Variants in FAF1 observed in about 807,000 individuals in gnomAD.
The protein encoded by FAF1 is Fas associated factor 1.
FAF1 carries 25 observed loss-of-function variants against 92.5 expected under a neutral mutation model. The ratio of observed to expected loss-of-function variants is 0.27; its 90% confidence interval spans 0.20 to 0.38. The LOEUF (loss-of-function observed/expected upper bound fraction) is 0.38. Ranked by LOEUF, FAF1 falls within the 10% of genes least tolerant of loss-of-function variation. The probability of loss-of-function intolerance (pLI) is 1.00; values close to 1 mark genes in which losing one functional copy is unlikely to be tolerated. For synonymous variants in FAF1, 234 were observed against 273.2 expected, an observed-to-expected ratio of 0.86 and a Z score of 1.42; for missense variants, 636 against 793.3, an observed-to-expected ratio of 0.80 and a Z score of 2.38.
At chr1:50,815,673 T>C (rs1488320035) in intron 2 of FAF1, among the ~76,000 whole-genome samples, 2 of 152,254 alleles carry the variant, frequency 1.3e-5, no homozygotes, top group African/African-American at 4.8e-5. Flanking sequence ...CAACAGGGTA[T>C]AAGTGTTTCC....
At chr1:50,693,648 A>C (rs1449864011) in intron 7 of FAF1, among the ~76,000 whole-genome samples, 2 of 152,294 alleles carry the variant, frequency 1.3e-5, no homozygotes, top group East Asian at 3.9e-4. Flanking sequence ...TCATTAAAAA[A>C]ATTGATTTAT....
At chr1:50,922,035 G>A (rs768177045) in intron 1 of FAF1, among the ~76,000 whole-genome samples, 62 of 151,728 alleles carry the variant, frequency 4.1e-4, no homozygotes, top group Non-Finnish European at 5.6e-4. Flanking sequence ...GCATGGTGGC[G>A]TGCACCTGTA....
chr1:50,738,265 GA>G (rs367957992), intron 6 of FAF1, among the ~76,000 whole-genome samples: 4 of 152,082 alleles, frequency 2.6e-5, no homozygotes, highest in African/African-American at 9.6e-5. Flanking sequence ...CCAACATGGA[GA>G]AACCCCATCT....
chr1:50,493,876 C>A (rs1004165383), intron 15 of FAF1, among the ~76,000 whole-genome samples: 2 of 152,118 alleles, frequency 1.3e-5, no homozygotes, highest in Non-Finnish European at 2.9e-5. Flanking sequence ...ACGTAAAAAA[C>A]GGACCTTCTA....
intron 6 of FAF1, among the ~76,000 whole-genome samples, chr1:50,721,341 AG>A (rs1487506442): frequency 6.6e-6 from 1 of 151,958 alleles, no homozygotes; most frequent in Non-Finnish European, 1.5e-5. Context: ...CAGCCTCCAG[AG>A]TAGCTGGGAC....
At chr1:50,658,432 C>A (rs1010910988) in intron 7 of FAF1, among the ~76,000 whole-genome samples, 2 of 152,110 alleles carry the variant, frequency 1.3e-5, no homozygotes, top group African/African-American at 4.8e-5. Context: ...CACCTTAATT[C>A]CAAAATACAA....
intron 12 of FAF1, among the ~76,000 whole-genome samples, chr1:50,581,905 T>C (rs1275671193): frequency 6.6e-6 from 1 of 152,204 alleles, no homozygotes; most frequent in Non-Finnish European, 1.5e-5. Flanking sequence ...AGATTGCTGA[T>C]GTCTTGACTG....
At chr1:50,740,714 T>G (rs1169091998) in intron 5 of FAF1, among the ~76,000 whole-genome samples, 1 of 152,174 alleles carries the variant, frequency 6.6e-6, no homozygotes, top group East Asian at 1.9e-4. Context: ...AACATTGCAT[T>G]TGGCAATTAC....
rs79070772 is a variant in FAF1 at position 50,676,696 on chromosome 1, C to T, written c.658-21168G>A. Among the ~76,000 whole-genome samples the T allele has an allele frequency of 7.8e-3, 1,173 of 149,890 alleles. 13 individuals carry two copies. Among genetic ancestry groups the T allele is most frequent in the African/African-American group, 0.028 (1,133 of 40,824 alleles). On this transcript the variant is annotated intron_variant, in intron 7 of 18. Transcript: ENST00000396153. The stretch of plus-strand genomic sequence containing the variant: ...AATTAGCTGGGCATGGTGGCAGGTG[C>T]CTGTGATCTTAGCTACTCGGGAGGC...
chr1:50,751,318 C>G (rs1176400023), intron 4 of FAF1, among the ~76,000 whole-genome samples: 1 of 151,982 alleles, frequency 6.6e-6, no homozygotes, highest in South Asian at 2.1e-4. Context: ...CAGCACTATT[C>G]AGCATTTCTA....
chr1:50,927,626 C>G (rs991142804), intron 1 of FAF1, among the ~76,000 whole-genome samples: 2 of 152,134 alleles, frequency 1.3e-5, no homozygotes, highest in Non-Finnish European at 2.9e-5. Context: ...TGTCAGAAGT[C>G]AATGTACTAA....
At chr1:50,709,091 A>C (rs1657810036) in intron 6 of FAF1, among the ~76,000 whole-genome samples, 1 of 152,228 alleles carries the variant, frequency 6.6e-6, no homozygotes, top group Non-Finnish European at 1.5e-5. Context: ...TCTATTGTAC[A>C]ACTATTCTCC....
intron 18 of FAF1, among the ~76,000 whole-genome samples, chr1:50,469,991 C>A (rs941680741): frequency 1.3e-5 from 2 of 152,182 alleles, no homozygotes; most frequent in African/African-American, 4.8e-5. Flanking sequence ...TTAGATGCTT[C>A]ATCTTGGCTT....
chr1:50,668,884 G>A (rs957605079), intron 7 of FAF1, among the ~76,000 whole-genome samples: 2 of 152,108 alleles, frequency 1.3e-5, no homozygotes, highest in African/African-American at 2.4e-5. Context: ...GAGGCATTCT[G>A]AATAAACTGC....
chr1:50,787,429 T>A (rs1408201103), intron 4 of FAF1, among the ~76,000 whole-genome samples: 2 of 152,188 alleles, frequency 1.3e-5, no homozygotes, highest in South Asian at 2.1e-4. Context: ...GTCTGTCCCT[T>A]TTGCCCTTCT....
intron 6 of FAF1, among the ~76,000 whole-genome samples, chr1:50,709,554 G>T (rs896261779): frequency 3.3e-5 from 5 of 152,128 alleles, no homozygotes; most frequent in Non-Finnish European, 7.4e-5. Context: ...CTTCTGAAAG[G>T]TTAATTGCCC....
intron 2 of FAF1, among the ~76,000 whole-genome samples, chr1:50,809,321 G>A (rs1662329390): frequency 6.6e-6 from 1 of 151,986 alleles, no homozygotes; most frequent in Admixed American, 6.6e-5. Context: ...ATAAGGTCAA[G>A]AGTTAGTTCC....
intron 18 of FAF1, among the ~76,000 whole-genome samples, chr1:50,444,808 C>G (rs1322743708): frequency 6.6e-6 from 1 of 152,096 alleles, no homozygotes; most frequent in East Asian, 1.9e-4. Flanking sequence ...GGTTATCTTG[C>G]CCAAGGCTGC....
At chr1:50,877,955 C>G (rs973832170) in intron 1 of FAF1, among the ~76,000 whole-genome samples, 2 of 152,206 alleles carry the variant, frequency 1.3e-5, no homozygotes, top group Admixed American at 6.5e-5. Context: ...CTAGCAGCTG[C>G]TGAAACAACC....
Sources: gnomAD v4.1 joint callset for allele counts (sites outside exome capture counted in the v4.1 genomes callset) on GRCh38, gnomAD v4.1.1 for gene constraint, MANE v1.5 for transcripts, NCBI Gene and HGNC (gene_info 2026-07-23, HGNC 2026-07-21) for gene names.